The following C9orf153 variants were observed in gnomAD, a reference collection of about 807,000 sequenced individuals.
C9orf153 encodes the protein uncharacterized protein C9orf153.
Under a neutral mutation model 9.0 loss-of-function variants are expected in C9orf153, and 10 were observed. That is an observed-to-expected ratio of 1.11 (90% CI 0.69 to 1.89). The LOEUF (loss-of-function observed/expected upper bound fraction) is 1.89. C9orf153 is among the 40% of genes most tolerant of loss of function. The pLI is 0.00. For synonymous variants in C9orf153, 35 were observed against 37.3 expected, an observed-to-expected ratio of 0.94 and a Z score of 0.23; for missense variants, 108 against 111.0, an observed-to-expected ratio of 0.97 and a Z score of 0.12.
chr9:86,248,917 A>T (rs891651816), intron 1 of C9orf153, among the ~76,000 whole-genome samples: 2 of 152,154 alleles, frequency 1.3e-5, no homozygotes, highest in African/African-American at 2.4e-5. Context: ...GTGTAATCTC[A>T]TCTGGTTCTC....
chr9:86,255,347 C>T (rs1326788642), intron 1 of C9orf153, among the ~76,000 whole-genome samples: 3 of 152,188 alleles, frequency 2.0e-5, no homozygotes, highest in Non-Finnish European at 4.4e-5. Context: ...AGCCAGCAAA[C>T]AGAAGTAGCC....
intron 1 of C9orf153, among the ~76,000 whole-genome samples, chr9:86,255,921 G>A (rs1239111558): frequency 6.6e-6 from 1 of 152,146 alleles, no homozygotes; most frequent in Non-Finnish European, 1.5e-5. Flanking sequence ...AGGGGACTTG[G>A]GGAAGGAGAA....
At chr9:86,226,978 C>T (rs977314217) in intron 3 of C9orf153, among the ~76,000 whole-genome samples, 14 of 152,124 alleles carry the variant, frequency 9.2e-5, no homozygotes, top group Admixed American at 2.6e-4. Context: ...GTTGGCCAGG[C>T]TGGTCCCGAA....
chr9:86,222,073 A>G (rs979200242), intron 3 of C9orf153, among the ~76,000 whole-genome samples: 2 of 152,006 alleles, frequency 1.3e-5, no homozygotes, highest in African/African-American at 4.8e-5. Context: ...TTTTTAGTAG[A>G]GACGGGGTTT....
chr9:86,252,026 CT>C (rs1347408448), intron 1 of C9orf153, among the ~76,000 whole-genome samples: 1 of 151,110 alleles, frequency 6.6e-6, no homozygotes, highest in African/African-American at 2.4e-5. Context: ...GTTATTTGGT[CT>C]TTTTTGTTTT....
intron 3 of C9orf153, among the ~76,000 whole-genome samples, chr9:86,226,667 CCT>C (rs1329830279): frequency 3.3e-5 from 5 of 152,106 alleles, no homozygotes; most frequent in Admixed American, 2.6e-4. Flanking sequence ...CAAAATATTA[CCT>C]CTCTCAAATT....
chr9:86,235,163 A>C (rs1185292480), intron 1 of C9orf153, among the ~76,000 whole-genome samples: 2 of 152,226 alleles, frequency 1.3e-5, no homozygotes, highest in African/African-American at 4.8e-5. Context: ...CAGGGCAAGC[A>C]TCAGAACTAG....
chr9:86,235,622 G>T (rs1191614263), intron 1 of C9orf153, among the ~76,000 whole-genome samples: 1 of 151,200 alleles, frequency 6.6e-6, no homozygotes, highest in African/African-American at 2.4e-5. Flanking sequence ...AGGCGTGGAG[G>T]CATGTGCTAC....
chr9:86,237,182 T>G (rs1053598070), intron 1 of C9orf153, among the ~76,000 whole-genome samples: 8 of 152,008 alleles, frequency 5.3e-5, no homozygotes, highest in Non-Finnish European at 1.2e-4. Context: ...AAAAAATATA[T>G]AATTGATATG....
At position 86,221,598 on chromosome 9, in the gene C9orf153, A is replaced by AT; in HGVS notation, c.*89dup. ...TATAGGGGGGAAAATAACGTCAGGCATGTCCTGGCTCTCTACAAATCTCTT... is the reference window on the plus strand; with the variant it reads ...TATAGGGGGGAAAATAACGTCAGGCATTGTCCTGGCTCTCTACAAATCTCTT... On this transcript the variant is annotated 3_prime_UTR_variant, in exon 4 of 4. Transcript: ENST00000339137. 1 of 1,460,372 alleles carries AT rather than the reference A, an allele frequency of 6.8e-7. No individual in the cohort carries two copies. The highest frequency in any genetic ancestry group is 2.7e-5 in the East Asian group (1 of 36,802). 90.5% of individuals were successfully genotyped at this position (1,460,372 alleles called of 1,614,324 possible).
chr9:86,221,667 C>G lies in C9orf153; in HGVS notation c.*21G>C. 3 of 1,547,424 alleles carry G rather than the reference C, an allele frequency of 1.9e-6. No homozygotes were observed. The highest frequency in any genetic ancestry group is 2.6e-6 in the Non-Finnish European group (3 of 1,145,656). ...GTCTCCGAATGAAATTGCAGTAGTG[C>G]GCCTCCACTTCGCAAGCCCCTTAAA... On this transcript the variant is annotated 3_prime_UTR_variant, in exon 4 of 4. Coordinates refer to ENST00000339137, the MANE Select transcript of C9orf153 (RefSeq NM_001276366.4).
intron 1 of C9orf153, among the ~76,000 whole-genome samples, chr9:86,241,913 A>T (rs1236113577): frequency 6.6e-6 from 1 of 152,222 alleles, no homozygotes; most frequent in Non-Finnish European, 1.5e-5. Context: ...GGCGTGAGCC[A>T]CTATGCCCGG....
chr9:86,229,501 C>A, intron 2 of C9orf153, 37 bp downstream of exon 2: 1 of 1,381,156 alleles, frequency 7.2e-7, no homozygotes, highest in East Asian at 2.3e-5. Flanking sequence ...TGTAAAGCTC[C>A]CTGTGTACAC....
In C9orf153 at chr9:86,236,392, T is replaced by C. The variant is rs151132101; in HGVS notation, c.-26-6763A>G. Among the ~76,000 whole-genome samples, 44 of 151,698 alleles carry C rather than the reference T, an allele frequency of 2.9e-4. No homozygotes were observed. In the East Asian group the frequency reaches 8.0e-3, roughly 28 times the overall value. On this transcript the variant is annotated intron_variant, in intron 1 of 3. Transcript: ENST00000339137. Reference sequence around the variant, plus strand: ...GGTGAAACCGTGTCTCAACTAAAAATACAAAAAGTTAGCCAGCTTAGTGGC... The same window carrying C: ...GGTGAAACCGTGTCTCAACTAAAAACACAAAAAGTTAGCCAGCTTAGTGGC...
intron 1 of C9orf153, among the ~76,000 whole-genome samples, chr9:86,254,264 T>G (rs182511016): frequency 2.6e-5 from 4 of 152,294 alleles, no homozygotes; most frequent in Non-Finnish European, 5.9e-5. Context: ...TTTTATTATT[T>G]GCCTCCGGTT....
At chr9:86,224,453 G>A (rs529736236) in intron 3 of C9orf153, among the ~76,000 whole-genome samples, 1 of 152,116 alleles carries the variant, frequency 6.6e-6, no homozygotes, top group East Asian at 1.9e-4. Context: ...ATAAATTCTG[G>A]TGTTCTATTG....
chr9:86,259,469 C>T (rs1210462609), intron 1 of C9orf153, 81 bp downstream of exon 1: 1 of 152,420 alleles, frequency 6.6e-6, no homozygotes, highest in Non-Finnish European at 1.5e-5. Flanking sequence ...TCCATCTCTC[C>T]TTGCCAAGCC....
intron 1 of C9orf153, among the ~76,000 whole-genome samples, chr9:86,242,418 G>A (rs528911593): frequency 4.9e-4 from 74 of 152,136 alleles, no homozygotes; most frequent in African/African-American, 1.7e-3. Context: ...TGAGTAGTTG[G>A]CACAGCTTTG....
intron 1 of C9orf153, among the ~76,000 whole-genome samples, chr9:86,238,853 T>C (rs571129230): frequency 4.0e-5 from 6 of 151,662 alleles, no homozygotes; most frequent in African/African-American, 1.2e-4. Flanking sequence ...TTTAGAGAAA[T>C]TACAAAACTG....
Sources: allele counts gnomAD v4.1 joint callset (sites outside exome capture counted in the v4.1 genomes callset), GRCh38; gene constraint gnomAD v4.1.1; transcripts MANE v1.5; gene names NCBI Gene and HGNC (gene_info 2026-07-23, HGNC 2026-07-21).